Variants in MYOF observed in about 807,000 individuals in gnomAD.
The protein encoded by MYOF is fer-1-like 3, myoferlin.
MYOF carries 244 observed loss-of-function variants against 284.2 expected under a neutral mutation model. The observed-to-expected ratio is 0.86, with a 90% CI of 0.77 to 0.95. The LOEUF (loss-of-function observed/expected upper bound fraction) is 0.95, where lower values mean the gene tolerates loss of function less well. Among genes scored for constraint, MYOF ranks in the 40% least tolerant of loss-of-function variants. MYOF has a pLI of 0.00. For missense variants in MYOF, 2,496 were observed against 2,560.6 expected (o/e 0.97, Z 0.54); for synonymous variants, 904 against 919.7 (o/e 0.98, Z 0.31).
At chr10:93,338,281 T>C (rs2133836068) in intron 39 of MYOF, 1 of 458,094 alleles carries the variant, frequency 2.2e-6, no homozygotes, top group African/African-American at 2.0e-5. Flanking sequence ...ATATGTGTTT[T>C]CTACTATCTC....
intron 7 of MYOF, among the ~76,000 whole-genome samples, chr10:93,405,809 T>C (rs891704360): frequency 6.6e-6 from 1 of 150,858 alleles, no homozygotes. Flanking sequence ...TTTTTTTTTT[T>C]TTTTTTTTGA....
At chr10:93,314,180 C>G (rs962329559) in intron 50 of MYOF, among the ~76,000 whole-genome samples, 1 of 152,156 alleles carries the variant, frequency 6.6e-6, no homozygotes, top group Admixed American at 6.5e-5. Context: ...CCTCCGCCTA[C>G]TGGGTTCAAG....
chr10:93,313,826 A>G (rs1842496217), intron 50 of MYOF, among the ~76,000 whole-genome samples: 1 of 152,124 alleles, frequency 6.6e-6, no homozygotes, highest in Admixed American at 6.5e-5. Flanking sequence ...GCGTGAGCCC[A>G]GGAGGCAGAG....
chr10:93,401,353 A>T (rs1847283976), intron 12 of MYOF, 65 bp downstream of exon 12: 2 of 1,587,724 alleles, frequency 1.3e-6, no homozygotes, highest in Non-Finnish European at 8.6e-7. Flanking sequence ...TTAAAGTTTG[A>T]TTTTTAACAC....
In MYOF at chr10:93,329,687, G is replaced by A. The variant is rs371104829; in HGVS notation, c.4959C>T (p.Cys1653=). ...ACACACAGTACTCCTCTGGTATGCC[G>A]CAGTGGGACCCAAAGCGGGAAAGGA... ...NRFLSRFGSH[C]GIPEEYCVSG... Residue 1653 remains cysteine, a synonymous_variant, in exon 44 of 54, where the codon TGC becomes TGT. Coordinates refer to ENST00000359263, the MANE Select transcript of MYOF (RefSeq NM_013451.4). 8.1e-6 allele frequency: 13 copies of A among 1,614,002 alleles called. No individual in the cohort carries two copies. The highest frequency in any genetic ancestry group is 4.0e-5 in the African/African-American group (3 of 74,936).
At chr10:93,335,097 C>T (rs927819099) in intron 41 of MYOF, among the ~76,000 whole-genome samples, 2 of 152,070 alleles carry the variant, frequency 1.3e-5, no homozygotes, top group African/African-American at 2.4e-5. Context: ...TCACGCTGCC[C>T]GAAGCAATCA....
At chr10:93,353,322 G>A (rs1449258337) in intron 32 of MYOF, among the ~76,000 whole-genome samples, 1 of 152,180 alleles carries the variant, frequency 6.6e-6, no homozygotes, top group Non-Finnish European at 1.5e-5. Flanking sequence ...AAGCCTCATG[G>A]TTTTATGGTA....
chr10:93,348,709 C>T (rs552139254), intron 36 of MYOF, among the ~76,000 whole-genome samples: 1 of 152,008 alleles, frequency 6.6e-6, no homozygotes, highest in East Asian at 1.9e-4. Flanking sequence ...TTGTAAGGAC[C>T]TATGTGCAAA....
chr10:93,436,966 T>A (rs1849152396), intron 3 of MYOF, among the ~76,000 whole-genome samples: 1 of 152,226 alleles, frequency 6.6e-6, no homozygotes, highest in South Asian at 2.1e-4. Flanking sequence ...GACTACTGTC[T>A]CAAAAGGAAA....
At chr10:93,410,023 G>A (rs569181607) in intron 5 of MYOF, among the ~76,000 whole-genome samples, 3 of 152,314 alleles carry the variant, frequency 2.0e-5, no homozygotes, top group South Asian at 2.1e-4. Flanking sequence ...AGATGGCACC[G>A]TTGGACCCAG....
At chr10:93,400,168 A>G (rs929905471) in intron 12 of MYOF, among the ~76,000 whole-genome samples, 1 of 152,186 alleles carries the variant, frequency 6.6e-6, no homozygotes, top group African/African-American at 2.4e-5. Flanking sequence ...CTAGGTCAAA[A>G]TGATATAGTC....
chr10:93,465,604 T>C (rs1024792540), intron 1 of MYOF, among the ~76,000 whole-genome samples: 41 of 136,098 alleles, frequency 3.0e-4, no homozygotes, highest in Non-Finnish European at 9.3e-5. Flanking sequence ...AACCTCCACC[T>C]CCTGGATTCA....
intron 5 of MYOF, among the ~76,000 whole-genome samples, chr10:93,413,814 C>A (rs933643312): frequency 4.7e-5 from 7 of 149,828 alleles, no homozygotes; most frequent in African/African-American, 1.8e-4. Context: ...CATAGGGAGA[C>A]CCCCCATCTC....
intron 24 of MYOF, among the ~76,000 whole-genome samples, chr10:93,370,919 CTT>C (rs1238754509): frequency 1.3e-5 from 2 of 152,006 alleles, no homozygotes; most frequent in Admixed American, 6.5e-5. Context: ...GAAAATAACT[CTT>C]TATTTGTTGG....
intron 12 of MYOF, 32 bp downstream of exon 12, chr10:93,401,385 AC>A: frequency 6.2e-7 from 1 of 1,609,046 alleles, no homozygotes; most frequent in Non-Finnish European, 8.5e-7. Context: ...CACATAATCA[AC>A]AATTCTGGGG....
At chr10:93,390,529 C>A (rs1272926730) in intron 17 of MYOF, among the ~76,000 whole-genome samples, 2 of 152,172 alleles carry the variant, frequency 1.3e-5, no homozygotes, top group Non-Finnish European at 2.9e-5. Flanking sequence ...GTTTCTCCAA[C>A]AGAGATTTCT....
At chr10:93,395,958 A>T (rs566106844) in intron 16 of MYOF, among the ~76,000 whole-genome samples, 184 bp downstream of exon 16, 1 of 150,838 alleles carries the variant, frequency 6.6e-6, no homozygotes, top group African/African-American at 2.4e-5. Context: ...TTACTTATAT[A>T]CTTCAATGAT....
intron 43 of MYOF, among the ~76,000 whole-genome samples, chr10:93,332,825 T>A (rs562324070): frequency 1.3e-5 from 2 of 151,964 alleles, no homozygotes; most frequent in African/African-American, 2.4e-5. Flanking sequence ...CCAGCATGGG[T>A]GACAGCAAGA....
intron 5 of MYOF, among the ~76,000 whole-genome samples, chr10:93,423,823 A>C (rs1379154374): frequency 6.6e-6 from 1 of 150,590 alleles, no homozygotes; most frequent in Non-Finnish European, 1.5e-5. Flanking sequence ...ACAGAGCCAG[A>C]CTCTGTCTAA....
Sources: allele counts gnomAD v4.1 joint callset (sites outside exome capture counted in the v4.1 genomes callset), GRCh38; gene constraint gnomAD v4.1.1; transcripts MANE v1.5; gene names NCBI Gene and HGNC (gene_info 2026-07-23, HGNC 2026-07-21).